The following GADL1 variants were observed in gnomAD, a reference collection of about 807,000 sequenced individuals.
The protein encoded by GADL1 is acidic amino acid decarboxylase GADL1.
In GADL1, 71 loss-of-function variants were observed where a neutral mutation model predicts 69.5. The observed-to-expected ratio is 1.02, with a 90% CI of 0.84 to 1.25. The LOEUF (loss-of-function observed/expected upper bound fraction) is 1.25. GADL1 is among the 50% of genes most tolerant of loss of function. The pLI is 0.00. For missense variants in GADL1, 737 were observed against 631.8 expected (o/e 1.17, Z -1.79); for synonymous variants, 254 against 214.4 (o/e 1.18, Z -1.62).
At chr3:30,826,536 A>G (rs920152715) in intron 11 of GADL1, among the ~76,000 whole-genome samples, 1 of 151,924 alleles carries the variant, frequency 6.6e-6, no homozygotes, top group Non-Finnish European at 1.5e-5. Context: ...GACAAAATAA[A>G]TGTAGTTTAA....
intron 14 of GADL1, among the ~76,000 whole-genome samples, chr3:30,759,350 G>A (rs548262609): frequency 8.0e-4 from 122 of 152,278 alleles, no homozygotes; most frequent in African/African-American, 2.8e-3. Context: ...AGGAGCTCTT[G>A]CCCTTCTTTC....
At chr3:30,741,962 C>T (rs145375769) in intron 14 of GADL1, among the ~76,000 whole-genome samples, 1 of 152,116 alleles carries the variant, frequency 6.6e-6, no homozygotes, top group African/African-American at 2.4e-5. Context: ...CTCTCCTAAG[C>T]CCACTATGAG....
intron 1 of GADL1, among the ~76,000 whole-genome samples, chr3:30,890,305 T>C (rs1290857666): frequency 2.6e-5 from 4 of 152,228 alleles, no homozygotes; most frequent in Non-Finnish European, 5.9e-5. Context: ...GTACCTATTA[T>C]GTGCCAGGCA....
Position 30,850,013 on chromosome 3 carries a change from G to A in GADL1, c.634C>T (p.Leu212Phe). 1.3e-6 allele frequency: 2 copies of A among 1,596,350 alleles called. No homozygotes were observed. Among genetic ancestry groups the A allele is most frequent in the Non-Finnish European group, 1.7e-6 (2 of 1,164,304 alleles). ...ATTTTTACCTCTGCAGATGTGAAAA[G>A]GATTAATCTTGGCGAACCAGACAGC... ...KGLSGSPRLI[L>F]FTSAECHYSM... The change falls in exon 6 of 15, where the codon CTT becomes TTT. Residue 212 changes from leucine to phenylalanine, a missense_variant. Physicochemically the swap from Leu to Phe is conservative, Grantham distance 22 (BLOSUM62 0). Transcript: ENST00000282538.
intron 12 of GADL1, among the ~76,000 whole-genome samples, chr3:30,790,223 GGA>G (rs1213165574): frequency 1.3e-5 from 2 of 152,144 alleles, no homozygotes; most frequent in Non-Finnish European, 2.9e-5. Flanking sequence ...AGCCTGAAGA[GGA>G]GAGAGATGGG....
chr3:30,754,108 G>GGGAGGCA (rs1695905928), intron 14 of GADL1, among the ~76,000 whole-genome samples: 1 of 152,182 alleles, frequency 6.6e-6, no homozygotes, highest in Non-Finnish European at 1.5e-5. Context: ...GCGTCTGATT[G>GGGAGGCA]CTAATGTGCC....
intron 14 of GADL1, among the ~76,000 whole-genome samples, chr3:30,755,490 AGT>A (rs1214449332): frequency 7.2e-5 from 11 of 152,244 alleles, no homozygotes; most frequent in Non-Finnish European, 1.3e-4. Flanking sequence ...CTGAAAGATA[AGT>A]GAAGACTTCT....
At chr3:30,790,141 T>C (rs1250011767) in intron 12 of GADL1, among the ~76,000 whole-genome samples, 1 of 152,166 alleles carries the variant, frequency 6.6e-6, no homozygotes, top group African/African-American at 2.4e-5. Flanking sequence ...TTCCTTTCAT[T>C]TGAACACTCA....
intron 1 of GADL1, among the ~76,000 whole-genome samples, chr3:30,875,246 A>G (rs1698560823): frequency 1.3e-5 from 2 of 151,796 alleles, no homozygotes; most frequent in Non-Finnish European, 2.9e-5. Flanking sequence ...TCTTGATGAC[A>G]GAAGGCAGTT....
chr3:30,820,383 A>G (rs1450760734), intron 11 of GADL1, among the ~76,000 whole-genome samples: 1 of 152,134 alleles, frequency 6.6e-6, no homozygotes, highest in Non-Finnish European at 1.5e-5. Context: ...TTATAATTGT[A>G]ACCAATATGA....
At chr3:30,782,607 T>A (rs1696689771) in intron 13 of GADL1, among the ~76,000 whole-genome samples, 1 of 152,100 alleles carries the variant, frequency 6.6e-6, no homozygotes, top group African/African-American at 2.4e-5. Flanking sequence ...GTTTAGGAGC[T>A]AAGTTGAGGA....
intron 14 of GADL1, among the ~76,000 whole-genome samples, chr3:30,775,920 A>C (rs998672382): frequency 1.3e-5 from 2 of 152,148 alleles, no homozygotes; most frequent in Non-Finnish European, 2.9e-5. Flanking sequence ...CCCCATCTCG[A>C]CAAAAATACA....
chr3:30,798,836 G>T (rs1697102931), intron 12 of GADL1: 1 of 152,158 alleles, frequency 6.6e-6, no homozygotes, highest in African/African-American at 2.4e-5. Flanking sequence ...ATTCCAAATG[G>T]GAGAAATTGG....
At chr3:30,771,129 CAAT>C (rs1433507375) in intron 14 of GADL1, among the ~76,000 whole-genome samples, 5 of 152,072 alleles carry the variant, frequency 3.3e-5, no homozygotes, top group East Asian at 1.9e-4. Flanking sequence ...TTTAGAAAGA[CAAT>C]AATTAACTAG....
chr3:30,890,257 A>G (rs553991519), intron 1 of GADL1, among the ~76,000 whole-genome samples: 18 of 152,342 alleles, frequency 1.2e-4, no homozygotes, highest in Admixed American at 8.5e-4. Flanking sequence ...TAAATCATTC[A>G]TGTATGAGTT....
chr3:30,846,183 G>A (rs866852333), intron 6 of GADL1, among the ~76,000 whole-genome samples: 4 of 152,082 alleles, frequency 2.6e-5, no homozygotes, highest in African/African-American at 7.2e-5. Context: ...TTCAAGGAAA[G>A]GAAAAACCTA....
chr3:30,789,041 G>A (rs1489790483), intron 12 of GADL1, among the ~76,000 whole-genome samples: 2 of 152,142 alleles, frequency 1.3e-5, no homozygotes, highest in African/African-American at 4.8e-5. Flanking sequence ...AGTGTTTTCA[G>A]TGGTGTATAA....
At chr3:30,738,741 C>T (rs559598368) in intron 14 of GADL1, among the ~76,000 whole-genome samples, 1 of 152,282 alleles carries the variant, frequency 6.6e-6, no homozygotes, top group Admixed American at 6.5e-5. Flanking sequence ...AGTTTCGGCA[C>T]TACTGCCTAT....
At chr3:30,760,464 G>C (rs1212742138) in intron 14 of GADL1, among the ~76,000 whole-genome samples, 1 of 152,082 alleles carries the variant, frequency 6.6e-6, no homozygotes, top group Non-Finnish European at 1.5e-5. Flanking sequence ...GCTACCAACA[G>C]ACTGTGTCTA....
Sources: allele counts gnomAD v4.1 joint callset (sites outside exome capture counted in the v4.1 genomes callset), GRCh38; gene constraint gnomAD v4.1.1; transcripts MANE v1.5; gene names NCBI Gene and HGNC (gene_info 2026-07-23, HGNC 2026-07-21).